The following SLK variants were observed in gnomAD, a reference collection of about 807,000 sequenced individuals.
SLK encodes STE20 like kinase.
SLK carries 67 observed loss-of-function variants against 147.7 expected under a neutral mutation model. The ratio of observed to expected loss-of-function variants is 0.45; its 90% CI spans 0.37 to 0.56. SLK has a LOEUF of 0.56. SLK is among the 20% of genes least tolerant of loss of function. SLK has a pLI of 0.00. For synonymous variants in SLK, 441 were observed against 475.0 expected, an observed-to-expected ratio of 0.93 and a Z score of 0.93; for missense variants, 1,136 against 1,438.8, an observed-to-expected ratio of 0.79 and a Z score of 3.41.
At chr10:104,023,539 C>T (rs1282272131) in intron 18 of SLK, among the ~76,000 whole-genome samples, 1 of 152,122 alleles carries the variant, frequency 6.6e-6, no homozygotes, top group African/African-American at 2.4e-5. Flanking sequence ...AGTAATGGTT[C>T]AGTGAATGGT....
chr10:104,028,396 AC>A lies in SLK; in HGVS notation c.*2677del, dbSNP rs1472100740. 1 of 152,184 alleles carries A rather than the reference AC, an allele frequency of 6.6e-6. No homozygotes were observed. The highest frequency in any genetic ancestry group is 2.4e-5 in the African/African-American group (1 of 41,446). 9.4% of individuals were successfully genotyped at this position (152,184 alleles called of 1,614,324 possible). ...CTTTCCTAGTCCTGTCAACAACCAT[AC>A]AGTGCGAATTGCTGAATTAGCTGCT... On this transcript the variant is annotated 3_prime_UTR_variant, in exon 19 of 19. Transcript: ENST00000369755.
intron 13 of SLK, among the ~76,000 whole-genome samples, 166 bp downstream of exon 13, chr10:104,011,074 T>C (rs1430856151): frequency 6.6e-6 from 1 of 152,228 alleles, no homozygotes; most frequent in Non-Finnish European, 1.5e-5. Context: ...AAATTCCTAC[T>C]AATGGTGACA....
chr10:104,001,930 A>G (rs1159915880), intron 8 of SLK, among the ~76,000 whole-genome samples: 2 of 152,050 alleles, frequency 1.3e-5, no homozygotes, highest in Non-Finnish European at 2.9e-5. Flanking sequence ...TGGCCAGGCT[A>G]GTCTCGAACT....
At chr10:104,006,626 T>G (rs889888557) in intron 11 of SLK, among the ~76,000 whole-genome samples, 5 of 152,220 alleles carry the variant, frequency 3.3e-5, no homozygotes, top group Non-Finnish European at 7.3e-5. Context: ...TAATATAAAA[T>G]TTTTGTAATT....
At chr10:103,991,505 G>A (rs562009666) in intron 2 of SLK, among the ~76,000 whole-genome samples, 1 of 152,152 alleles carries the variant, frequency 6.6e-6, no homozygotes, top group Non-Finnish European at 1.5e-5. Context: ...TTATGAGAGA[G>A]AAGAGTAAGT....
chr10:103,989,305 T>C (rs1001771744), intron 1 of SLK, among the ~76,000 whole-genome samples: 1 of 152,104 alleles, frequency 6.6e-6, no homozygotes, highest in African/African-American at 2.4e-5. Context: ...AATTGTAAAT[T>C]GAAAAGATAC....
intron 1 of SLK, among the ~76,000 whole-genome samples, chr10:103,981,481 A>C (rs1843941484): frequency 6.6e-6 from 1 of 152,106 alleles, no homozygotes; most frequent in South Asian, 2.1e-4. Context: ...TTTAGGTCTT[A>C]CATTTAGGTT....
Position 104,003,107 on chromosome 10 carries a change from T to C in SLK, c.1929T>C (p.Thr643=), listed in dbSNP as rs1362168691. 2 of 1,614,022 alleles carry C rather than the reference T, an allele frequency of 1.2e-6. No homozygotes were observed. The highest frequency in any genetic ancestry group is 2.7e-5 in the African/African-American group (2 of 74,930). ...GAACAACTGAAGGTGAAGAAATCAC[T>C]GAGTCAAGTAGCACTGAAGAAATGG... ...EPGTTEGEEI[T]ESSSTEEMEV... Residue 643 remains threonine (T), a synonymous_variant, in exon 9 of 19, where the codon ACT becomes ACC. Coordinates refer to ENST00000369755, the MANE Select transcript of SLK (RefSeq NM_014720.4).
intron 6 of SLK, 119 bp downstream of exon 6, chr10:103,999,432 A>C (rs805649): frequency 5.5e-6 from 4 of 730,464 alleles, no homozygotes; most frequent in Non-Finnish European, 8.7e-6. Context: ...TTCGAAGACT[A>C]TATGAATTAG....
Position 104,002,796 on chromosome 10 carries a change from G to T in SLK, c.1618G>T (p.Asp540Tyr), listed in dbSNP as rs1328268178. The change falls in exon 9 of 19, where the codon GAT (aspartate) becomes TAT (tyrosine). Residue 540 changes from aspartate (D) to tyrosine (Y), a missense_variant. Physicochemically the swap from Asp to Tyr is radical, Grantham distance 160. Around this residue, in one of 6 missense-constraint regions of SLK, gnomAD observed 516 missense variants for 531.3 expected, o/e 0.97. Transcript: ENST00000369755. ...GGGGGAAGACGACAAAACTCAAAAAGATGTGATCAGCAATACAAGTGATGT... is the reference window on the plus strand; with the variant it reads ...GGGGGAAGACGACAAAACTCAAAAATATGTGATCAGCAATACAAGTGATGT... Reference protein sequence around the residue: ...KLGEDDKTQKDVISNTSDVIG... With the variant: ...KLGEDDKTQKYVISNTSDVIG... 4.3e-6 allele frequency: 7 copies of T among 1,613,980 alleles called. No homozygotes were observed. The highest frequency in any genetic ancestry group is 5.1e-6 in the Non-Finnish European group (6 of 1,180,032).
intron 9 of SLK, among the ~76,000 whole-genome samples, chr10:104,004,489 TA>T (rs1319996966): frequency 8.5e-5 from 13 of 152,246 alleles, no homozygotes; most frequent in African/African-American, 3.1e-4. Context: ...AAGGTGTAGA[TA>T]GGTGTATTTT....
At chr10:103,992,575 T>TTTTTTTTTTTTTTTTTTTTTTTTTTC in intron 2 of SLK, 23 bp from the exon 3 acceptor site, 1 of 216,402 alleles carries the variant, frequency 4.6e-6, no homozygotes, top group Non-Finnish European at 6.9e-6. Context: ...GACACACGCT[T>TTTTTTTTTTTTTTTTTTTTTTTTTTC]TTTTTTTTTT....
chr10:104,001,066 A>G (rs1844240977), intron 7 of SLK, among the ~76,000 whole-genome samples: 1 of 150,522 alleles, frequency 6.6e-6, no homozygotes, highest in African/African-American at 2.4e-5. Flanking sequence ...CTCAAAAAAA[A>G]AAAAAAAAAA....
At chr10:104,018,973 T>G in intron 15 of SLK, 65 bp downstream of exon 15, 2 of 1,444,908 alleles carry the variant, frequency 1.4e-6, no homozygotes, top group Non-Finnish European at 1.9e-6. Context: ...TATTTAGTTT[T>G]GAAACTTAAG....
chr10:104,005,877 C>T, intron 10 of SLK, 35 bp from the exon 11 acceptor site: 2 of 1,568,328 alleles, frequency 1.3e-6, no homozygotes, highest in African/African-American at 1.4e-5. Flanking sequence ...GTAATTTTTG[C>T]TGTCTTCTCT....
chr10:104,003,207 A>C lies in SLK; in HGVS notation c.2029A>C (p.Thr677Pro). 1 of 1,613,308 alleles carries C rather than the reference A, an allele frequency of 6.2e-7. No individual in the cohort carries two copies. Among genetic ancestry groups the C allele is most frequent in the Non-Finnish European group, 8.5e-7 (1 of 1,179,774 alleles). The change falls in exon 9 of 19, where the codon ACT becomes CCT. Residue 677 changes from threonine (T) to proline (P), a missense_variant. Physicochemically the swap from Thr to Pro is conservative, Grantham distance 38. Coordinates refer to ENST00000369755, the MANE Select transcript of SLK (RefSeq NM_014720.4). ...AGTTCAGGATGCTTCTAAAGTCACTACTCAGATAGATAAAGAGAAAAAAGA... is the reference window on the plus strand; with the variant it reads ...AGTTCAGGATGCTTCTAAAGTCACTCCTCAGATAGATAAAGAGAAAAAAGA... ...SEVQDASKVT[T>P]QIDKEKKEIP...
At chr10:103,997,389 GT>G (rs1469615589) in intron 4 of SLK, among the ~76,000 whole-genome samples, 2 of 152,164 alleles carry the variant, frequency 1.3e-5, no homozygotes, top group East Asian at 3.9e-4. Flanking sequence ...GAATGTTGGT[GT>G]ACAAATGTCT....
chr10:103,999,310 G>A lies in SLK; in HGVS notation c.779G>A (p.Arg260Lys). 2 of 1,593,782 alleles carry A rather than the reference G, an allele frequency of 1.3e-6. No individual in the cohort carries two copies. Residue 260 changes from arginine (R) to lysine (K), a missense_variant, in exon 6 of 19, where the codon AGA (arginine) becomes AAA (lysine). Physicochemically the swap from Arg to Lys is conservative, Grantham distance 26. Coordinates refer to ENST00000369755, the MANE Select transcript of SLK (RefSeq NM_014720.4). ...CCACCTACATTAGCACAGCCATCCA[G>A]ATGGTAAAAATATTCTTAAAAAAGC... is the stretch of plus-strand genomic sequence containing the variant. ...SEPPTLAQPS[R>K]WSSNFKDFLK...
intron 4 of SLK, among the ~76,000 whole-genome samples, chr10:103,994,824 T>C (rs551045312): frequency 6.6e-6 from 1 of 152,366 alleles, no homozygotes; most frequent in Admixed American, 6.5e-5. Context: ...TCCTGATGAT[T>C]GAAGTTCCTT....
Sources: gnomAD v4.1 joint callset for allele counts (sites outside exome capture counted in the v4.1 genomes callset) on GRCh38, gnomAD v4.1.1 for gene constraint, gnomAD v4.1.1 regional missense constraint, MANE v1.5 for transcripts, NCBI Gene and HGNC (gene_info 2026-07-23, HGNC 2026-07-21) for gene names.